Variants in SLC25A13 observed in about 807,000 individuals in gnomAD.
SLC25A13 encodes the protein electrogenic aspartate/glutamate antiporter SLC25A13, mitochondrial.
A neutral mutation model predicts 85.5 loss-of-function variants in SLC25A13; 70 were observed. The ratio of observed to expected loss-of-function variants is 0.82; its 90% CI spans 0.68 to 1.00. The LOEUF is 1.00. SLC25A13 is among the 50% of genes least tolerant of loss of function. The pLI is 0.00. For synonymous variants in SLC25A13, 259 were observed against 288.7 expected, an observed-to-expected ratio of 0.90 and a Z score of 1.04; for missense variants, 765 against 819.8, an observed-to-expected ratio of 0.93 and a Z score of 0.82.
chr7:96,272,491 C>G (rs931267122), intron 3 of SLC25A13, among the ~76,000 whole-genome samples: 3 of 152,150 alleles, frequency 2.0e-5, no homozygotes, highest in African/African-American at 7.2e-5. Context: ...TTCCTAAGCA[C>G]CATTCCTAAA....
chr7:96,212,204 AC>A (rs1287049024), intron 4 of SLC25A13, among the ~76,000 whole-genome samples: 1 of 152,140 alleles, frequency 6.6e-6, no homozygotes, highest in Non-Finnish European at 1.5e-5. Flanking sequence ...TGTATCAAAC[AC>A]ATGACCCTGA....
chr7:96,266,402 A>T (rs1239770561), intron 3 of SLC25A13, among the ~76,000 whole-genome samples: 1 of 152,092 alleles, frequency 6.6e-6, no homozygotes, highest in East Asian at 1.9e-4. Context: ...ATTGGCATTC[A>T]CCTAGAAAAG....
chr7:96,127,287 C>A (rs1018856597), intron 15 of SLC25A13, among the ~76,000 whole-genome samples: 5 of 152,156 alleles, frequency 3.3e-5, no homozygotes, highest in Admixed American at 6.5e-5. Context: ...ATTTCAGGAC[C>A]CCCGCTTCGG....
chr7:96,284,448 A>C (rs1057080020), intron 2 of SLC25A13, among the ~76,000 whole-genome samples: 1 of 152,246 alleles, frequency 6.6e-6, no homozygotes, highest in Non-Finnish European at 1.5e-5. Flanking sequence ...CAAAACAATT[A>C]TAAAAATCCA....
intron 1 of SLC25A13, among the ~76,000 whole-genome samples, chr7:96,300,337 GC>G (rs1159519393): frequency 6.6e-6 from 1 of 152,026 alleles, no homozygotes. Flanking sequence ...TGACTTGGAG[GC>G]CCTGACCTCT....
intron 11 of SLC25A13, among the ~76,000 whole-genome samples, chr7:96,178,611 C>T (rs1308313081): frequency 6.6e-6 from 1 of 152,166 alleles, no homozygotes; most frequent in East Asian, 1.9e-4. Flanking sequence ...ACTATTGAAA[C>T]CAGAACACTT....
At chr7:96,308,193 C>A (rs1232606237) in intron 1 of SLC25A13, among the ~76,000 whole-genome samples, 1 of 151,660 alleles carries the variant, frequency 6.6e-6, no homozygotes, top group African/African-American at 2.4e-5. Context: ...CACTGTTAAC[C>A]AGCAGCATGA....
intron 2 of SLC25A13, among the ~76,000 whole-genome samples, chr7:96,279,985 T>C (rs1798609376): frequency 6.6e-6 from 1 of 152,180 alleles, no homozygotes; most frequent in Non-Finnish European, 1.5e-5. Context: ...GTACCAGTTC[T>C]GATGAACTGG....
intron 3 of SLC25A13, among the ~76,000 whole-genome samples, chr7:96,265,286 A>G (rs778299212): frequency 6.6e-6 from 1 of 152,218 alleles, no homozygotes. Flanking sequence ...TATTATGCAG[A>G]TCATCCAAAT....
At chr7:96,148,281 T>C (rs1792885340) in intron 13 of SLC25A13, among the ~76,000 whole-genome samples, 1 of 152,190 alleles carries the variant, frequency 6.6e-6, no homozygotes, top group South Asian at 2.1e-4. Flanking sequence ...TGGTGCATTC[T>C]GGTCCACACA....
At chr7:96,255,385 A>G (rs1215530028) in intron 3 of SLC25A13, among the ~76,000 whole-genome samples, 1 of 152,200 alleles carries the variant, frequency 6.6e-6, no homozygotes, top group Non-Finnish European at 1.5e-5. Context: ...TTTTTTCTCT[A>G]ATGAATTGAA....
chr7:96,244,883 T>G (rs1296603418), intron 3 of SLC25A13, among the ~76,000 whole-genome samples: 15 of 152,250 alleles, frequency 9.9e-5, no homozygotes, highest in Non-Finnish European at 2.9e-5. Flanking sequence ...TTGGCAATTT[T>G]ACTGTATCGT....
intron 1 of SLC25A13, among the ~76,000 whole-genome samples, chr7:96,319,451 A>G (rs963348760): frequency 3.3e-5 from 5 of 150,376 alleles, no homozygotes; most frequent in Non-Finnish European, 7.4e-5. Flanking sequence ...CTGAGGCAGG[A>G]GAATCACTTG....
intron 1 of SLC25A13, among the ~76,000 whole-genome samples, chr7:96,319,024 G>A (rs1230429203): frequency 6.6e-6 from 1 of 152,176 alleles, no homozygotes; most frequent in Non-Finnish European, 1.5e-5. Flanking sequence ...CTTTAACTCA[G>A]GCTGCCAACA....
At chr7:96,178,695 T>C (rs970603099) in intron 11 of SLC25A13, among the ~76,000 whole-genome samples, 2 of 152,152 alleles carry the variant, frequency 1.3e-5, no homozygotes, top group Non-Finnish European at 2.9e-5. Context: ...ATCAGCACTT[T>C]GTGTGCCCTG....
chr7:96,193,288 T>G, intron 5 of SLC25A13, 105 bp from the exon 6 acceptor site: 1 of 1,394,048 alleles, frequency 7.2e-7, no homozygotes, highest in Non-Finnish European at 9.9e-7. Context: ...AGTTTACATC[T>G]TGATCTAACA....
chr7:96,162,063 T>C (rs1282411928), intron 13 of SLC25A13, among the ~76,000 whole-genome samples: 2 of 152,194 alleles, frequency 1.3e-5, no homozygotes, highest in South Asian at 2.1e-4. Context: ...CTTATATTTA[T>C]AAGTAAGATA....
At chr7:96,314,864 C>T (rs1800073875) in intron 1 of SLC25A13, among the ~76,000 whole-genome samples, 1 of 152,168 alleles carries the variant, frequency 6.6e-6, no homozygotes, top group African/African-American at 2.4e-5. Context: ...CAACTCTCCC[C>T]ACACCTTTCC....
chr7:96,306,977 C>T (rs569974608), intron 1 of SLC25A13: 14 of 831,718 alleles, frequency 1.7e-5, no homozygotes, highest in Middle Eastern at 2.3e-4. Flanking sequence ...GTCCCAGCAC[C>T]GATGGCTTCC....
Sources: gnomAD v4.1 joint callset for allele counts (sites outside exome capture counted in the v4.1 genomes callset) on GRCh38, gnomAD v4.1.1 for gene constraint, MANE v1.5 for transcripts, NCBI Gene and HGNC (gene_info 2026-07-23, HGNC 2026-07-21) for gene names.